Variants in JAKMIP1 observed in about 807,000 individuals in gnomAD.
The protein encoded by JAKMIP1 is janus kinase and microtubule interacting protein 1.
JAKMIP1 carries 33 observed loss-of-function variants against 113.0 expected under a neutral mutation model. That is an observed-to-expected ratio of 0.29 (90% CI 0.22 to 0.39). The LOEUF (loss-of-function observed/expected upper bound fraction) is 0.39. JAKMIP1 is among the 10% of genes least tolerant of loss of function. The pLI, the probability that JAKMIP1 is intolerant of heterozygous loss-of-function variation, is 1.00. For synonymous variants in JAKMIP1, 480 were observed against 459.9 expected, an observed-to-expected ratio of 1.04 and a Z score of -0.56; for missense variants, 813 against 1,080.5, an observed-to-expected ratio of 0.75 and a Z score of 3.47.
chr4:6,084,538 G>GT (rs1319502998), intron 5 of JAKMIP1, among the ~76,000 whole-genome samples: 5 of 151,952 alleles, frequency 3.3e-5, no homozygotes. Flanking sequence ...GGGTTTTTTG[G>GT]TTTTTTAATT....
intron 7 of JAKMIP1, 116 bp from the exon 8 acceptor site, chr4:6,079,114 A>G: frequency 2.0e-6 from 2 of 1,007,196 alleles, no homozygotes; most frequent in South Asian, 2.8e-5. Flanking sequence ...GGCTAGTTGA[A>G]GTTCTAAGTG....
intron 18 of JAKMIP1, among the ~76,000 whole-genome samples, chr4:6,036,606 C>A (rs1713475277): frequency 6.6e-6 from 1 of 151,744 alleles, no homozygotes; most frequent in Non-Finnish European, 1.5e-5. Flanking sequence ...TTGCCCCTAA[C>A]CCCCAACAAA....
chr4:6,041,491 G>T (rs916215178), intron 17 of JAKMIP1, among the ~76,000 whole-genome samples: 3 of 152,090 alleles, frequency 2.0e-5, no homozygotes, highest in African/African-American at 7.2e-5. Context: ...AACTCGAATT[G>T]GCCTTTGACT....
chr4:6,135,466 G>A lies in JAKMIP1; in HGVS notation c.-147-22469C>T, dbSNP rs577504051. Among the ~76,000 whole-genome samples the A allele has an allele frequency of 5.7e-4, 87 of 152,140 alleles. No homozygotes were observed. Among genetic ancestry groups the A allele is most frequent in the African/African-American group, 1.5e-3 (61 of 41,502 alleles). ...GGAGCAAATGTCTGTGGTGTGAGCC[G>A]CCCAGTCTGTGGAGTCCATCATGGC... On this transcript the variant is annotated intron_variant, in intron 1 of 20. Transcript: ENST00000409021. This position sits in a 1 kb window ranked among gnomAD's most constrained non-coding sequence, Gnocchi z 4.9.
Position 6,105,789 on chromosome 4 carries a change from G to T in JAKMIP1, c.308C>A (p.Ala103Asp). The T allele has an allele frequency of 6.2e-7, 1 of 1,607,708 alleles. No homozygotes were observed. Reference sequence around the variant, plus strand: ...CTGCAGCTCGCCCTCCTTGATCTTGGCGGTGCGCGCCGCCTCCTGCTCGTG... The same window carrying T: ...CTGCAGCTCGCCCTCCTTGATCTTGTCGGTGCGCGCCGCCTCCTGCTCGTG... ...RQHEQEAARTAKIKEGELQRL... is the reference protein window; with the variant it reads ...RQHEQEAARTDKIKEGELQRL... Residue 103 changes from alanine (A) to aspartate (D), a missense_variant, in exon 3 of 21, where the codon GCC (alanine) becomes GAC (aspartate). Transcript: ENST00000409021.
At chr4:6,145,410 G>C (rs1720717509) in intron 1 of JAKMIP1, among the ~76,000 whole-genome samples, 1 of 152,190 alleles carries the variant, frequency 6.6e-6, no homozygotes, top group South Asian at 2.1e-4. Context: ...CAATATTCAT[G>C]CCTTGTCCCT....
At chr4:6,063,289 G>T (rs1357409476) in intron 9 of JAKMIP1, among the ~76,000 whole-genome samples, 1 of 152,250 alleles carries the variant, frequency 6.6e-6, no homozygotes, top group East Asian at 1.9e-4. Flanking sequence ...ATGGCCATGA[G>T]AGAGGATGAG....
intron 11 of JAKMIP1, among the ~76,000 whole-genome samples, chr4:6,058,172 G>T (rs1048498674): frequency 1.3e-5 from 2 of 152,242 alleles, no homozygotes; most frequent in Non-Finnish European, 2.9e-5. Flanking sequence ...GGCAGAGCAG[G>T]CCACACAGAG....
In JAKMIP1 at chr4:6,197,696, T is replaced by C. The variant is rs772717866; in HGVS notation, c.-148+2557A>G. Among the ~76,000 whole-genome samples the C allele has an allele frequency of 6.6e-6, 1 of 152,136 alleles. No individual in the cohort carries two copies. The highest frequency in any genetic ancestry group is 6.5e-5 in the Admixed American group (1 of 15,272). ...CTCCCCAAGGGAAGCCCCCATTTAGTTAGAAAGCCCAGCAGGGAGGCACTT... is the reference window on the plus strand; with the variant it reads ...CTCCCCAAGGGAAGCCCCCATTTAGCTAGAAAGCCCAGCAGGGAGGCACTT... On this transcript the variant is annotated intron_variant, in intron 1 of 20. Transcript: ENST00000409021. This position sits in a 1 kb window ranked among gnomAD's most constrained non-coding sequence, Gnocchi z 6.5.
chr4:6,098,552 A>AAG (rs1553831551), intron 3 of JAKMIP1, among the ~76,000 whole-genome samples: 1 of 32,642 alleles, frequency 3.1e-5, no homozygotes. Context: ...AAGAAAAAGA[A>AAG]AGAAAGAAAG....
At chr4:6,056,609 CG>C in intron 12 of JAKMIP1, 87 bp downstream of exon 12, 1 of 975,640 alleles carries the variant, frequency 1.0e-6, no homozygotes, top group South Asian at 1.3e-5. Flanking sequence ...GCCCAAATGG[CG>C]CTGGGCACGA....
intron 8 of JAKMIP1, among the ~76,000 whole-genome samples, chr4:6,066,759 T>G (rs1437163251): frequency 6.6e-6 from 1 of 152,036 alleles, no homozygotes; most frequent in Admixed American, 6.6e-5. Flanking sequence ...TTCATCTTGG[T>G]CCCAGCCACC....
At chr4:6,090,759 T>C (rs1467150) in intron 3 of JAKMIP1, among the ~76,000 whole-genome samples, 148,417 of 152,020 alleles carry the variant, frequency 0.98, 72,546 homozygotes, top group East Asian at 1. Flanking sequence ...AGAGCATCGC[T>C]GCCCCAGGTT....
intron 17 of JAKMIP1, among the ~76,000 whole-genome samples, chr4:6,041,005 A>G (rs7665309): frequency 0.15 from 23,295 of 151,904 alleles, 3,519 homozygotes; most frequent in African/African-American, 0.39. Context: ...ACCTCAAACC[A>G]AGGCGCAAGT....
At chr4:6,161,218 CATCTCCCTG>C (rs2109002839) in intron 1 of JAKMIP1, among the ~76,000 whole-genome samples, 3 of 143,376 alleles carry the variant, frequency 2.1e-5, no homozygotes, top group Admixed American at 1.4e-4. Flanking sequence ...GATCTCCACT[CATCTCCCTG>C]ACCTCCACTC....
intron 3 of JAKMIP1, among the ~76,000 whole-genome samples, chr4:6,104,453 C>T (rs1713576968): frequency 6.6e-6 from 1 of 152,180 alleles, no homozygotes; most frequent in South Asian, 2.1e-4. Context: ...TTACTTCTTG[C>T]CTTAGAGCCT....
chr4:6,103,176 A>G (rs1713369741), intron 3 of JAKMIP1, among the ~76,000 whole-genome samples: 4 of 152,162 alleles, frequency 2.6e-5, no homozygotes, highest in South Asian at 4.1e-4. Flanking sequence ...ATCATATTAG[A>G]GAAATTCCAT....
intron 1 of JAKMIP1, among the ~76,000 whole-genome samples, chr4:6,173,029 TA>T (rs979680218): frequency 1.3e-5 from 2 of 152,208 alleles, no homozygotes; most frequent in Admixed American, 6.5e-5. Flanking sequence ...AGCAGGAGGC[TA>T]ACCCGATTAA....
intron 1 of JAKMIP1, among the ~76,000 whole-genome samples, chr4:6,132,473 C>G (rs1718634941): frequency 6.6e-6 from 1 of 151,924 alleles, no homozygotes; most frequent in Non-Finnish European, 1.5e-5. Flanking sequence ...GAAACCCCGT[C>G]TCTACTAAAA....
Sources: gnomAD v4.1 joint callset for allele counts (sites outside exome capture counted in the v4.1 genomes callset) on GRCh38, gnomAD v4.1.1 for gene constraint, Gnocchi (gnomAD v3.1) non-coding constraint, MANE v1.5 for transcripts, NCBI Gene and HGNC (gene_info 2026-07-23, HGNC 2026-07-21) for gene names.